The following PPFIA1 variants were observed in gnomAD, a reference collection of about 807,000 sequenced individuals.
PPFIA1 encodes PPFI scaffold protein A1.
Under a neutral mutation model 149.9 loss-of-function variants are expected in PPFIA1, and 25 were observed. That is an observed-to-expected ratio of 0.17 (90% CI 0.12 to 0.23). The LOEUF (loss-of-function observed/expected upper bound fraction) is 0.23. Ranked by LOEUF, PPFIA1 falls within the 10% of genes least tolerant of loss-of-function variation. The probability of loss-of-function intolerance (pLI) is 1.00; values close to 1 mark genes in which losing one functional copy is unlikely to be tolerated. For synonymous variants in PPFIA1, 549 were observed against 552.8 expected, an observed-to-expected ratio of 0.99 and a Z score of 0.10; for missense variants, 1,362 against 1,506.5, an observed-to-expected ratio of 0.90 and a Z score of 1.59.
chr11:70,278,260 C>G (rs2050537363), intron 2 of PPFIA1, among the ~76,000 whole-genome samples: 1 of 151,448 alleles, frequency 6.6e-6, no homozygotes, highest in South Asian at 2.1e-4. Context: ...TGGGGTCAAA[C>G]TCATTGGCTC....
At chr11:70,343,927 A>T (rs370642806) in intron 15 of PPFIA1, 35 bp downstream of exon 15, 41 of 1,547,492 alleles carry the variant, frequency 2.6e-5, no homozygotes, top group Non-Finnish European at 3.5e-5. Flanking sequence ...CACCACACGC[A>T]TGGGTGTCTC....
chr11:70,289,325 T>G (rs939802827), intron 2 of PPFIA1, among the ~76,000 whole-genome samples: 3 of 152,158 alleles, frequency 2.0e-5, no homozygotes, highest in Non-Finnish European at 4.4e-5. Context: ...AAAATGTTCA[T>G]TAAAAAACCT....
intron 2 of PPFIA1, among the ~76,000 whole-genome samples, chr11:70,276,005 G>GT (rs965923758): frequency 6.2e-4 from 94 of 152,268 alleles, no homozygotes; most frequent in African/African-American, 2.1e-3. Flanking sequence ...TTTGCCAAGA[G>GT]TTTTTTAAAA....
intron 2 of PPFIA1, among the ~76,000 whole-genome samples, chr11:70,275,014 T>G (rs2050303439): frequency 6.6e-6 from 1 of 152,196 alleles, no homozygotes; most frequent in African/African-American, 2.4e-5. Flanking sequence ...TCAGCCTCAG[T>G]AGAGAGTGCC....
At chr11:70,273,217 C>T (rs113973546) in intron 2 of PPFIA1, among the ~76,000 whole-genome samples, 2,340 of 151,426 alleles carry the variant, frequency 0.015, 56 homozygotes, top group African/African-American at 0.052. Flanking sequence ...GTGGAGGTTG[C>T]AGTGAGCCAA....
intron 26 of PPFIA1, chr11:70,378,560 C>A: frequency 3.0e-6 from 2 of 669,848 alleles, no homozygotes; most frequent in Non-Finnish European, 3.7e-6. Context: ...AGCTTCCAAA[C>A]CACATAATTT....
chr11:70,286,612 C>T (rs2051143809), intron 2 of PPFIA1, among the ~76,000 whole-genome samples: 1 of 152,102 alleles, frequency 6.6e-6, no homozygotes, highest in Non-Finnish European at 1.5e-5. Flanking sequence ...ATGGACCTTT[C>T]CATCTCTTGG....
chr11:70,319,261 C>T (rs2053801778), intron 2 of PPFIA1, among the ~76,000 whole-genome samples: 1 of 152,180 alleles, frequency 6.6e-6, no homozygotes, highest in Non-Finnish European at 1.5e-5. Context: ...GTCCAGAGTC[C>T]CTGCTTCTCA....
In PPFIA1 at chr11:70,374,984, C is replaced by T. The variant is rs1418179923; in HGVS notation, c.3206C>T (p.Ala1069Val). Reference protein sequence around the residue: ...WILSIGLKEYANNLIESGVHG... With the variant: ...WILSIGLKEYVNNLIESGVHG... The stretch of plus-strand genomic sequence containing the variant: ...CTGTCAATTGGCCTTAAAGAATATG[C>T]AAACAATCTTATAGAGAGTGGTGTT... The change falls in exon 24 of 28, where the codon GCA (alanine) becomes GTA (valine). Residue 1069 changes from alanine to valine, a missense_variant. Transcript: ENST00000253925. The T allele has an allele frequency of 6.2e-7, 1 of 1,613,640 alleles. No individual in the cohort carries two copies. Among genetic ancestry groups the T allele is most frequent in the Non-Finnish European group, 8.5e-7 (1 of 1,179,882 alleles).
intron 2 of PPFIA1, among the ~76,000 whole-genome samples, chr11:70,282,764 C>G (rs555988183): frequency 6.6e-6 from 1 of 151,198 alleles, no homozygotes; most frequent in South Asian, 2.1e-4. Context: ...GATCTCCTGA[C>G]CTCATGATCC....
chr11:70,371,336 G>A (rs941045956), intron 21 of PPFIA1: 1 of 157,162 alleles, frequency 6.4e-6, no homozygotes, highest in Admixed American at 6.5e-5. Context: ...ATATTCTGTT[G>A]TTGGGTGGCA....
Position 70,354,452 on chromosome 11 carries a change from A to G in PPFIA1, c.2315A>G (p.Asn772Ser), listed in dbSNP as rs2056246489. ...CACGAGGACATCAGGGACATAAGGA[A>G]GTAAGGAGCCTGCAGCAGCCCCATG... ...VSHEDIRDIR[N>S]STGSQDGPVS... Residue 772 changes from asparagine (N) to serine (S), a missense_variant and splice_region_variant, in exon 17 of 28, where the codon AAC becomes AGC. This residue lies in a region of PPFIA1 where 733 missense variants were observed against 744.1 expected (regional missense o/e 0.99). Coordinates refer to ENST00000253925, the MANE Select transcript of PPFIA1 (RefSeq NM_003626.5). The G allele has an allele frequency of 1.2e-6, 2 of 1,611,422 alleles. No homozygotes were observed. The highest frequency in any genetic ancestry group is 1.7e-5 in the Admixed American group (1 of 59,330).
chr11:70,356,170 C>T lies in PPFIA1; in HGVS notation c.2498C>T (p.Ser833Phe). ...GKEALGQAGV[S>F]ETDNSSQDAL... Reference sequence around the variant, plus strand: ...TTCTGCTTCCTCACAGCTGGTGTTTCCGAGACGGATAACTCATCTCAGGAT... The same window carrying T: ...TTCTGCTTCCTCACAGCTGGTGTTTTCGAGACGGATAACTCATCTCAGGAT... Residue 833 changes from serine to phenylalanine, a missense_variant, in exon 19 of 28, where the codon TCC (serine) becomes TTC (phenylalanine). Transcript: ENST00000253925. 1 of 1,613,970 alleles carries T rather than the reference C, an allele frequency of 6.2e-7. No individual in the cohort carries two copies. The highest frequency in any genetic ancestry group is 8.5e-7 in the Non-Finnish European group (1 of 1,179,942).
chr11:70,280,034 A>C (rs2050656605), intron 2 of PPFIA1, among the ~76,000 whole-genome samples: 2 of 151,590 alleles, frequency 1.3e-5, no homozygotes, highest in South Asian at 4.2e-4. Flanking sequence ...TCAGCTCCTG[A>C]GTAGCAGGGA....
intron 15 of PPFIA1, among the ~76,000 whole-genome samples, chr11:70,345,563 G>A (rs567316663): frequency 6.6e-6 from 1 of 152,126 alleles, no homozygotes; most frequent in East Asian, 1.9e-4. Context: ...GAGTCTGTTT[G>A]TTGAGATGAG....
intron 2 of PPFIA1, among the ~76,000 whole-genome samples, chr11:70,304,872 G>C (rs2052744842): frequency 1.3e-5 from 2 of 152,194 alleles, no homozygotes; most frequent in African/African-American, 4.8e-5. Context: ...TCATTAGCCA[G>C]GGAGGTCAGC....
chr11:70,334,676 G>C (rs1381454138), intron 10 of PPFIA1: 1 of 152,250 alleles, frequency 6.6e-6, no homozygotes, highest in Non-Finnish European at 1.5e-5. Flanking sequence ...GAAAAGGAGA[G>C]GTCACTACCC....
chr11:70,375,801 GAA>G (rs112607936), intron 24 of PPFIA1, among the ~76,000 whole-genome samples: 3,301 of 122,042 alleles, frequency 0.027, 105 homozygotes, highest in African/African-American at 0.088. Context: ...AAAGAAAAAG[GAA>G]AAAAAAAAAA....
chr11:70,324,512 G>C lies in PPFIA1; in HGVS notation c.366+9G>C, dbSNP rs765457194. On this transcript the variant is annotated intron_variant, in intron 3 of 27. Coordinates refer to ENST00000253925, the MANE Select transcript of PPFIA1 (RefSeq NM_003626.5). ...AAAGGAATAACACCAGGGTGAGTGT[G>C]ACCTTTCTGTTCACTGCCTGCCCCT... is the stretch of plus-strand genomic sequence containing the variant. 5 of 1,596,398 alleles carry C rather than the reference G, an allele frequency of 3.1e-6. No homozygotes were observed. In the African/African-American group the frequency reaches 6.7e-5, roughly 21 times the overall value.
Sources: gnomAD v4.1 joint callset for allele counts (sites outside exome capture counted in the v4.1 genomes callset) on GRCh38, gnomAD v4.1.1 for gene constraint, gnomAD v4.1.1 regional missense constraint, MANE v1.5 for transcripts, NCBI Gene and HGNC (gene_info 2026-07-23, HGNC 2026-07-21) for gene names.